The following WDR27 variants were observed in gnomAD, a reference collection of about 807,000 sequenced individuals.
WDR27 encodes the protein WD repeat-containing protein 27.
Under a neutral mutation model 114.4 loss-of-function variants are expected in WDR27, and 100 were observed. The ratio of observed to expected loss-of-function variants is 0.87; its 90% CI spans 0.74 to 1.03. WDR27 has a LOEUF of 1.03. WDR27 is among the 50% of genes least tolerant of loss of function. WDR27 has a pLI of 0.00. For missense variants in WDR27, 1,129 were observed against 1,092.9 expected, an observed-to-expected ratio of 1.03 and a Z score of -0.47; for synonymous variants, 449 against 423.1, an observed-to-expected ratio of 1.06 and a Z score of -0.75.
At chr6:169,603,715 C>T (rs1808523202) in intron 22 of WDR27, among the ~76,000 whole-genome samples, 1 of 152,192 alleles carries the variant, frequency 6.6e-6, no homozygotes, top group Non-Finnish European at 1.5e-5. Context: ...TCAACCCTGA[C>T]CCCAGCTAAG....
chr6:169,619,815 T>C (rs773612609), intron 21 of WDR27, among the ~76,000 whole-genome samples: 5 of 152,220 alleles, frequency 3.3e-5, no homozygotes, highest in Non-Finnish European at 7.3e-5. Context: ...GCTAGACTCT[T>C]AATCTGTTTA....
At chr6:169,556,010 G>C (rs1798830480) in intron 25 of WDR27, among the ~76,000 whole-genome samples, 1 of 152,200 alleles carries the variant, frequency 6.6e-6, no homozygotes, top group Non-Finnish European at 1.5e-5. Context: ...GCCCTCATGT[G>C]ACCCCTGTCT....
At chr6:169,688,718 G>T in intron 2 of WDR27, 99 bp downstream of exon 2, 1 of 789,772 alleles carries the variant, frequency 1.3e-6, no homozygotes, top group Middle Eastern at 2.6e-4. Context: ...ATAGTTGGTA[G>T]CTGAATCCAC....
chr6:169,488,208 T>A (rs1046130529), intron 25 of WDR27, among the ~76,000 whole-genome samples: 1 of 152,208 alleles, frequency 6.6e-6, no homozygotes, highest in Non-Finnish European at 1.5e-5. Context: ...GAAACACTCA[T>A]GCATTGGGGC....
intron 24 of WDR27, among the ~76,000 whole-genome samples, chr6:169,580,620 C>T (rs886495924): frequency 6.6e-5 from 10 of 152,078 alleles, no homozygotes; most frequent in South Asian, 4.1e-4. Flanking sequence ...CTTAATTTTA[C>T]ACAGTTTTAT....
intron 1 of WDR27, among the ~76,000 whole-genome samples, chr6:169,690,587 C>A (rs940887959): frequency 1.3e-5 from 2 of 152,168 alleles, no homozygotes; most frequent in Admixed American, 1.3e-4. Flanking sequence ...TTCACACAAT[C>A]TAAACTATTT....
chr6:169,486,061 T>C (rs1041045258), intron 25 of WDR27, among the ~76,000 whole-genome samples: 1 of 152,152 alleles, frequency 6.6e-6, no homozygotes, highest in East Asian at 1.9e-4. Flanking sequence ...ACAGGCCTAG[T>C]ACCTGGATGA....
At chr6:169,437,532 C>G in the WDR27 span, among the ~76,000 whole-genome samples, 1 of 152,028 alleles carries the variant, frequency 6.6e-6, no homozygotes, top group Admixed American at 6.6e-5. Flanking sequence ...ATTCATTTCT[C>G]AAGGTAGAAT....
At chr6:169,589,164 G>A (rs1805229555) in intron 23 of WDR27, among the ~76,000 whole-genome samples, 1 of 152,158 alleles carries the variant, frequency 6.6e-6, no homozygotes, top group Non-Finnish European at 1.5e-5. Flanking sequence ...ACTCCTGTCT[G>A]CCTGCTGTTT....
At chr6:169,693,910 C>A (rs1585212651) in intron 1 of WDR27, among the ~76,000 whole-genome samples, 1 of 152,204 alleles carries the variant, frequency 6.6e-6, no homozygotes, top group Admixed American at 6.5e-5. Flanking sequence ...CAATACTCCA[C>A]TGACAGCACT....
chr6:169,485,279 C>G (rs1418458550), intron 25 of WDR27, among the ~76,000 whole-genome samples: 1 of 152,148 alleles, frequency 6.6e-6, no homozygotes, highest in African/African-American at 2.4e-5. Flanking sequence ...TGACGAAGGT[C>G]TAATAAAATC....
chr6:169,637,275 C>T (rs1817861090), intron 18 of WDR27, among the ~76,000 whole-genome samples: 1 of 152,198 alleles, frequency 6.6e-6, no homozygotes, highest in African/African-American at 2.4e-5. Flanking sequence ...CACGTAATAG[C>T]CCCTTGGCCA....
chr6:169,500,629 C>T (rs1791061929), intron 25 of WDR27, among the ~76,000 whole-genome samples: 1 of 152,132 alleles, frequency 6.6e-6, no homozygotes, highest in African/African-American at 2.4e-5. Context: ...AATGAGTACC[C>T]AGGACCTGCC....
At chr6:169,654,759 G>T (rs79371338) in intron 13 of WDR27, among the ~76,000 whole-genome samples, 9,296 of 151,966 alleles carry the variant, frequency 0.061, 514 homozygotes, top group East Asian at 0.19. Flanking sequence ...AGGGTTAGGC[G>T]GCGCGCACAG....
chr6:169,479,797 T>A (rs1010617272), intron 25 of WDR27, among the ~76,000 whole-genome samples: 4 of 152,224 alleles, frequency 2.6e-5, no homozygotes, highest in African/African-American at 9.6e-5. Flanking sequence ...GTTGTAGAGA[T>A]TATTTCATCA....
At chr6:169,637,977 T>C (rs1040282840) in intron 18 of WDR27, among the ~76,000 whole-genome samples, 2 of 152,262 alleles carry the variant, frequency 1.3e-5, no homozygotes, top group African/African-American at 4.8e-5. Context: ...TATATGCGTC[T>C]GTGCCTATTG....
chr6:169,560,681 T>C (rs906723113), intron 25 of WDR27, among the ~76,000 whole-genome samples: 1 of 152,252 alleles, frequency 6.6e-6, no homozygotes, highest in African/African-American at 2.4e-5. Context: ...ATCCAGTACA[T>C]ACAATCATTA....
intron 17 of WDR27, among the ~76,000 whole-genome samples, chr6:169,641,067 G>A (rs1020857889): frequency 1.3e-5 from 2 of 152,230 alleles, no homozygotes; most frequent in Non-Finnish European, 2.9e-5. Flanking sequence ...AAGCCACCAA[G>A]GCCAGCAGAG....
chr6:169,520,041 G>A (rs995794136), intron 25 of WDR27, among the ~76,000 whole-genome samples: 9 of 152,088 alleles, frequency 5.9e-5, no homozygotes, highest in East Asian at 1.9e-4. Context: ...AGGAGTGCCC[G>A]AAAAGAAAAA....
Sources: allele counts gnomAD v4.1 joint callset (sites outside exome capture counted in the v4.1 genomes callset), GRCh38; gene constraint gnomAD v4.1.1; transcripts MANE v1.5; gene names NCBI Gene and HGNC (gene_info 2026-07-23, HGNC 2026-07-21).